Variants in TRIM25 observed in about 807,000 individuals in gnomAD.
The protein encoded by TRIM25 is E3 ubiquitin/ISG15 ligase TRIM25.
In TRIM25, 45 loss-of-function variants were observed where a neutral mutation model predicts 65.2. That is an observed-to-expected ratio of 0.69 (90% CI 0.54 to 0.89). The LOEUF (loss-of-function observed/expected upper bound fraction) is 0.89, where lower values mean the gene tolerates loss of function less well. TRIM25 is among the 40% of genes least tolerant of loss of function. The pLI is 0.00. For missense variants in TRIM25, 714 were observed against 803.7 expected (o/e 0.89, Z 1.35); for synonymous variants, 321 against 340.4 (o/e 0.94, Z 0.63).
intron 5 of TRIM25, among the ~76,000 whole-genome samples, chr17:56,897,905 C>A (rs1909324980): frequency 6.6e-6 from 1 of 152,196 alleles, no homozygotes. Context: ...TCCATCTGCA[C>A]CAGGCATCCC....
chr17:56,899,010 G>T (rs1707356129), intron 5 of TRIM25, 105 bp downstream of exon 5: 5 of 1,350,468 alleles, frequency 3.7e-6, no homozygotes, highest in Non-Finnish European at 5.2e-6. Flanking sequence ...TCCCACTGAG[G>T]TCCAGGCCCC....
chr17:56,894,615 C>G (rs958456800), intron 8 of TRIM25, among the ~76,000 whole-genome samples: 7 of 152,252 alleles, frequency 4.6e-5, no homozygotes, highest in African/African-American at 1.4e-4. Context: ...GCAGCTGAGA[C>G]AGTTTTGCTA....
intron 1 of TRIM25, among the ~76,000 whole-genome samples, chr17:56,912,526 C>T (rs927628806): frequency 6.6e-6 from 1 of 152,190 alleles, no homozygotes; most frequent in African/African-American, 2.4e-5. Context: ...CAGGAACTCT[C>T]CGGCCCACCA....
At chr17:56,899,223 C>T (rs1418642997) in intron 4 of TRIM25, 43 bp from the exon 5 acceptor site, 1 of 1,610,292 alleles carries the variant, frequency 6.2e-7, no homozygotes, top group South Asian at 1.1e-5. Flanking sequence ...GCTCCTCTCA[C>T]TGACCCTAGC....
chr17:56,891,551 C>T lies in TRIM25; in HGVS notation c.*149G>A. ...ACTCTCACCCCTTTCCTGGCTAAAT[C>T]CCACCTCCCACCCTCCCGCCAGCTC... On this transcript the variant is annotated 3_prime_UTR_variant, in exon 9 of 9. Coordinates refer to ENST00000316881, the MANE Select transcript of TRIM25 (RefSeq NM_005082.5). 1.7e-5 allele frequency: 6 copies of T among 358,434 alleles called. No homozygotes were observed. The highest frequency in any genetic ancestry group is 3.3e-5 in the Non-Finnish European group (6 of 181,610). 22.2% of individuals were successfully genotyped at this position (358,434 alleles called of 1,614,324 possible). A position where few individuals can be genotyped will look rare whatever the true frequency, so the allele number is the denominator to read the frequency against.
rs869304211 is a variant in TRIM25, at chr17:56,900,226, A to AT, written c.1088-1047dup. ...GAGACTCCGTCTCAAAAAAAAAAAA[A>AT]TTTTTTTTTAATTAGCCGGGCATGA... On this transcript the variant is annotated intron_variant, in intron 4 of 8. Transcript: ENST00000316881. Among the ~76,000 whole-genome samples, 14 of 142,596 alleles carry AT rather than the reference A, an allele frequency of 9.8e-5. No homozygotes were observed. In the East Asian group the frequency reaches 2.3e-3, roughly 24 times the overall value. The allele number at this position is 142,596 out of a possible 152,430, so 93.5% of individuals were successfully genotyped here.
rs893106183 is a variant in TRIM25 at position 56,890,036 on chromosome 17, G to A, written c.*1664C>T. 1.7e-5 allele frequency: 7 copies of A among 404,196 alleles called. No homozygotes were observed. Among genetic ancestry groups the A allele is most frequent in the South Asian group, 1.1e-4 (1 of 8,792 alleles). 25.0% of individuals were successfully genotyped at this position (404,196 alleles called of 1,614,324 possible). A position where few individuals can be genotyped will look rare whatever the true frequency, so the allele number is the denominator to read the frequency against. On this transcript the variant is annotated 3_prime_UTR_variant, in exon 9 of 9. Transcript: ENST00000316881. ...CTGTCAGGAATATCAAGTGTTCTGA[G>A]CCTGCCTAGAGTGCCCTAGAGTTCC... is the stretch of plus-strand genomic sequence containing the variant.
In TRIM25 at chr17:56,892,081, C is replaced by A; in HGVS notation, c.1512G>T (p.Leu504=). 6.2e-7 allele frequency: 1 copy of A among 1,614,204 alleles called. No homozygotes were observed. Among genetic ancestry groups the A allele is most frequent in the South Asian group, 1.1e-5 (1 of 91,088 alleles). The change falls in exon 9 of 9, where the codon CTG becomes CTT. Residue 504 remains leucine (L), a synonymous_variant. Coordinates refer to ENST00000316881, the MANE Select transcript of TRIM25 (RefSeq NM_005082.5). ...RFTYCSQVLG[L]HCYKKGIHYW... is the part of the protein sequence containing the mutation. ...AGTGGATCCCCTTCTTGTAGCAGTG[C>A]AGGCCCAGCACCTGAGAGCAGTATG...
intron 8 of TRIM25, 133 bp downstream of exon 8, chr17:56,895,210 G>T (rs898086796): frequency 1.1e-4 from 74 of 652,998 alleles, no homozygotes; most frequent in Non-Finnish European, 1.2e-4. Flanking sequence ...GAAAATAAGG[G>T]AGCAACAAAG....
At position 56,889,912 on chromosome 17, in the gene TRIM25, G is replaced by A. The variant is rs1453141943; in HGVS notation, c.*1788C>T. 1 of 398,720 alleles carries A rather than the reference G, an allele frequency of 2.5e-6. No individual in the cohort carries two copies. Among genetic ancestry groups the A allele is most frequent in the Non-Finnish European group, 4.4e-6 (1 of 226,248 alleles). The allele number at this position is 398,720 out of a possible 1,614,324, so 24.7% of individuals were successfully genotyped here. A position where few individuals can be genotyped will look rare whatever the true frequency, so the allele number is the denominator to read the frequency against. ...AGGACCACATATCACCTATTGCAGG[G>A]ATGTCTTTCCTACAAAGATTATTGC... On this transcript the variant is annotated 3_prime_UTR_variant, in exon 9 of 9. Transcript: ENST00000316881.
rs372254692 is a variant in TRIM25 at position 56,912,564 on chromosome 17, T to C, written c.597+828A>G. Among the ~76,000 whole-genome samples, 15 of 152,148 alleles carry C rather than the reference T, an allele frequency of 9.9e-5. No homozygotes were observed. In the East Asian group the frequency reaches 1.3e-3, roughly 14 times the overall value. On this transcript the variant is annotated intron_variant, in intron 1 of 8. Transcript: ENST00000316881. ...GGCTTTTGCTTACATGACCTCAAGC[T>C]TCCTGGACTGTTTGGTGCTCCGGAC... is the stretch of plus-strand genomic sequence containing the variant.
At position 56,913,854 on chromosome 17, in the gene TRIM25, G is replaced by A. The variant is rs552298277; in HGVS notation, c.135C>T (p.Gly45=). 5.1e-6 allele frequency: 8 copies of A among 1,559,868 alleles called. No homozygotes were observed. The East Asian group carries it at 1.9e-4, about 38-fold the overall frequency. The change falls in exon 1 of 9, where the codon GGC becomes GGT. Residue 45 remains glycine (G), a synonymous_variant. Transcript: ENST00000316881. This position sits in a 1 kb window ranked among gnomAD's most constrained non-coding sequence, Gnocchi z 6.1. ...GGCACTGCGGGCACAGGTATGGCGA[G>A]CCCTGGACTGCCCACGTCTCATTCA... ...SCLNETWAVQ[G]SPYLCPQCRA...
chr17:56,896,014 A>G (rs1469196313), intron 5 of TRIM25, 62 bp from the exon 6 acceptor site: 1 of 1,521,944 alleles, frequency 6.6e-7, no homozygotes, highest in Non-Finnish European at 9.0e-7. Flanking sequence ...CATTTTCAAA[A>G]TAATAACATT....
At chr17:56,911,447 G>T (rs1909625876) in intron 1 of TRIM25, among the ~76,000 whole-genome samples, 1 of 152,060 alleles carries the variant, frequency 6.6e-6, no homozygotes, top group Non-Finnish European at 1.5e-5. Flanking sequence ...GGGCATGGTG[G>T]CGCAGGCCTG....
At position 56,895,562 on chromosome 17, in the gene TRIM25, G is replaced by A. The variant is rs1400464254; in HGVS notation, c.1223C>T (p.Ala408Val). The change falls in exon 7 of 9, where the codon GCC becomes GTC. Residue 408 changes from alanine to valine, a missense_variant. This residue lies in a region of TRIM25 where 413 missense variants were observed against 498.2 expected (regional missense o/e 0.83). Transcript: ENST00000316881. ...TTTTAAATCCACTAACTGTTCCGGG[G>A]CTCCAAACGTGGGAAGCTTGCTGGG... ...ALPSKLPTFGAPEQLVDLKQA... is the reference protein window; with the variant it reads ...ALPSKLPTFGVPEQLVDLKQA... The A allele has an allele frequency of 1.9e-6, 3 of 1,585,022 alleles. No individual in the cohort carries two copies. Among genetic ancestry groups the A allele is most frequent in the Non-Finnish European group, 2.6e-6 (3 of 1,163,364 alleles).
chr17:56,890,362 T>C lies in TRIM25; in HGVS notation c.*1338A>G. 1 of 348,718 alleles carries C rather than the reference T, an allele frequency of 2.9e-6. No homozygotes were observed. Among genetic ancestry groups the C allele is most frequent in the South Asian group, 2.1e-5 (1 of 47,494 alleles). The allele number at this position is 348,718 out of a possible 1,614,324, so 21.6% of individuals were successfully genotyped here. On this transcript the variant is annotated 3_prime_UTR_variant, in exon 9 of 9. Transcript: ENST00000316881. ...ACTGCAGGGAAAATAGCCACTTGTGTGACCCTCTTTAGCTCTTTCCCTCCC... is the reference window on the plus strand; with the variant it reads ...ACTGCAGGGAAAATAGCCACTTGTGCGACCCTCTTTAGCTCTTTCCCTCCC...
intron 1 of TRIM25, chr17:56,908,836 T>G (rs1909571926): frequency 2.4e-6 from 1 of 412,148 alleles, no homozygotes; most frequent in Non-Finnish European, 4.5e-6. Context: ...ACCTCAGTTT[T>G]CTTGGACACA....
chr17:56,889,888 G>A lies in TRIM25; in HGVS notation c.*1812C>T, dbSNP rs1421539086. 1 of 398,482 alleles carries A rather than the reference G, an allele frequency of 2.5e-6. No individual in the cohort carries two copies. Among genetic ancestry groups the A allele is most frequent in the Non-Finnish European group, 4.4e-6 (1 of 226,084 alleles). The allele number at this position is 398,482 out of a possible 1,614,324, so 24.7% of individuals were successfully genotyped here. A position where few individuals can be genotyped will look rare whatever the true frequency, so the allele number is the denominator to read the frequency against. On this transcript the variant is annotated 3_prime_UTR_variant, in exon 9 of 9. Coordinates refer to ENST00000316881, the MANE Select transcript of TRIM25 (RefSeq NM_005082.5). ...AGTAGTAAAGGAATAAAACTTCTAA[G>A]GACCACATATCACCTATTGCAGGGA...
In TRIM25 at chr17:56,904,347, G is replaced by T. The variant is rs377588008; in HGVS notation, c.835C>A (p.Gln279Lys). Residue 279 changes from glutamine (Q) to lysine (K), a missense_variant, in exon 3 of 9, where the codon CAG (glutamine) becomes AAG (lysine). Transcript: ENST00000316881. The part of the protein sequence containing the change: ...RVNSKFDTIY[Q>K]ILLKKKSEIQ... ...TCACTCTTCTTCTTGAGGAGAATCTGATAAATGGTGTCAAACTTGCTGTTG... is the reference window on the plus strand; with the variant it reads ...TCACTCTTCTTCTTGAGGAGAATCTTATAAATGGTGTCAAACTTGCTGTTG... 19 of 1,613,962 alleles carry T rather than the reference G, an allele frequency of 1.2e-5. No homozygotes were observed. Among genetic ancestry groups the T allele is most frequent in the African/African-American group, 1.3e-5 (1 of 74,860 alleles).
Sources: allele counts gnomAD v4.1 joint callset (sites outside exome capture counted in the v4.1 genomes callset), GRCh38; gene constraint gnomAD v4.1.1; regional missense constraint gnomAD v4.1.1; non-coding constraint Gnocchi (gnomAD v3.1); transcripts MANE v1.5; gene names NCBI Gene and HGNC (gene_info 2026-07-23, HGNC 2026-07-21).